MAP2K5: variants seen among roughly 807,000 people sequenced by gnomAD.
MAP2K5 encodes the protein mitogen-activated protein kinase kinase 5, also known as dual specificity mitogen-activated protein kinase kinase 5.
MAP2K5 carries 49 observed loss-of-function variants against 83.1 expected under a neutral mutation model. The ratio of observed to expected loss-of-function variants is 0.59; its 90% CI spans 0.47 to 0.75. MAP2K5 has a LOEUF of 0.75. Ranked by LOEUF, MAP2K5 falls within the 30% of genes least tolerant of loss-of-function variation. The probability of loss-of-function intolerance (pLI) is 0.00; values close to 1 mark genes in which losing one functional copy is unlikely to be tolerated. For synonymous variants in MAP2K5, 202 were observed against 191.8 expected, an observed-to-expected ratio of 1.05 and a Z score of -0.44; for missense variants, 457 against 557.5, an observed-to-expected ratio of 0.82 and a Z score of 1.82.
intron 7 of MAP2K5, among the ~76,000 whole-genome samples, chr15:67,597,464 C>T (rs2085552861): frequency 6.6e-6 from 1 of 152,126 alleles, no homozygotes; most frequent in African/African-American, 2.4e-5. Flanking sequence ...TTTTGACTAG[C>T]TATGTAACTT....
chr15:67,661,783 T>C (rs976587477), intron 12 of MAP2K5, among the ~76,000 whole-genome samples: 1 of 152,146 alleles, frequency 6.6e-6, no homozygotes, highest in Non-Finnish European at 1.5e-5. Flanking sequence ...ATAGTTTTTA[T>C]AACATGCAGC....
Position 67,746,400 on chromosome 15 carries a change from T to C in MAP2K5, c.1075-1831T>C, listed in dbSNP as rs62015175. ...TATTCATTACAAATAACTCCGTTGT[T>C]GAAGCAGATATATCTTACTAGGAAT... On this transcript the variant is annotated intron_variant, in intron 17 of 21. Coordinates refer to ENST00000178640, the MANE Select transcript of MAP2K5 (RefSeq NM_145160.3). This position sits in a 1 kb window ranked among gnomAD's most constrained non-coding sequence, Gnocchi z 4.1. Among the ~76,000 whole-genome samples the C allele has an allele frequency of 9.2e-4, 140 of 152,046 alleles. No homozygotes were observed. The highest frequency in any genetic ancestry group is 9.7e-4 in the Non-Finnish European group (66 of 67,990).
intron 7 of MAP2K5, among the ~76,000 whole-genome samples, chr15:67,595,691 T>C (rs2085509048): frequency 6.6e-6 from 1 of 152,230 alleles, no homozygotes; most frequent in Non-Finnish European, 1.5e-5. Flanking sequence ...ATTGTTTTCC[T>C]GTTATCACTT....
At chr15:67,651,275 C>T (rs776540495) in intron 11 of MAP2K5, among the ~76,000 whole-genome samples, 3 of 152,162 alleles carry the variant, frequency 2.0e-5, no homozygotes, top group African/African-American at 7.2e-5. Context: ...TTATGGAGTA[C>T]ATGCATAATA....
At chr15:67,767,851 T>C (rs1240801863) in intron 19 of MAP2K5, among the ~76,000 whole-genome samples, 5 of 152,222 alleles carry the variant, frequency 3.3e-5, no homozygotes, top group Admixed American at 3.3e-4. Flanking sequence ...GTGTAATCCT[T>C]TGAACTTGGC....
chr15:67,608,612 G>A (rs890006669), intron 8 of MAP2K5, among the ~76,000 whole-genome samples: 1 of 152,168 alleles, frequency 6.6e-6, no homozygotes, highest in Non-Finnish European at 1.5e-5. Context: ...GGAGGAACTG[G>A]CATTTGAGCT....
intron 1 of MAP2K5, among the ~76,000 whole-genome samples, chr15:67,545,379 A>G (rs2084370206): frequency 6.6e-6 from 1 of 152,218 alleles, no homozygotes; most frequent in Non-Finnish European, 1.5e-5. Flanking sequence ...GCATGCAATT[A>G]TGGTTCTGTG....
intron 8 of MAP2K5, among the ~76,000 whole-genome samples, chr15:67,604,623 G>A (rs2085738113): frequency 6.6e-6 from 1 of 152,078 alleles, no homozygotes; most frequent in South Asian, 2.1e-4. Flanking sequence ...TGGGCGGGGT[G>A]CGGTGGCTCA....
At chr15:67,607,593 C>T (rs142201712) in intron 8 of MAP2K5, among the ~76,000 whole-genome samples, 5 of 152,092 alleles carry the variant, frequency 3.3e-5, no homozygotes, top group South Asian at 4.1e-4. Context: ...AGTTTCCACC[C>T]GAATTAACTA....
At chr15:67,546,332 G>A (rs1187008715) in intron 1 of MAP2K5, 1 of 152,308 alleles carries the variant, frequency 6.6e-6, no homozygotes, top group African/African-American at 2.4e-5. Flanking sequence ...GAACCCCACA[G>A]GGGGAAAATA....
intron 9 of MAP2K5, among the ~76,000 whole-genome samples, chr15:67,635,626 C>G (rs1379895184): frequency 6.6e-6 from 1 of 152,012 alleles, no homozygotes; most frequent in African/African-American, 2.4e-5. Flanking sequence ...ATGACTTCTT[C>G]CTTTACATTT....
At chr15:67,578,756 T>C (rs2085116121) in intron 3 of MAP2K5, among the ~76,000 whole-genome samples, 1 of 152,212 alleles carries the variant, frequency 6.6e-6, no homozygotes, top group Non-Finnish European at 1.5e-5. Flanking sequence ...ACCATTTTTA[T>C]TTATTTATTC....
rs1388138363 is a variant in MAP2K5 at position 67,587,654 on chromosome 15, G to A, written c.431+741G>A. ...GAGCTGAGATTTGTCTTTCTATAGC[G>A]CCCACTCATAACGTTTTAGTTAAGC... On this transcript the variant is annotated intron_variant, in intron 6 of 21. Transcript: ENST00000178640. The surrounding 1 kb of genome is among the most constrained non-coding windows in gnomAD (Gnocchi z 4.8). Among the ~76,000 whole-genome samples the A allele has an allele frequency of 2.0e-5, 3 of 152,036 alleles. No individual in the cohort carries two copies. Among genetic ancestry groups the A allele is most frequent in the Admixed American group, 2.0e-4 (3 of 15,260 alleles).
In MAP2K5 at chr15:67,801,965, C is replaced by T. The variant is rs192007672; in HGVS notation, c.1243-4681C>T. 2.0e-5 allele frequency among the ~76,000 whole-genome samples: 3 copies of T among 152,334 alleles called. No homozygotes were observed. Among genetic ancestry groups the T allele is most frequent in the Non-Finnish European group, 2.9e-5 (2 of 68,032 alleles). On this transcript the variant is annotated intron_variant, in intron 21 of 21. Transcript: ENST00000178640. This position sits in a 1 kb window ranked among gnomAD's most constrained non-coding sequence, Gnocchi z 4.8. ...TCAAAGCCCAACTAAGGGCAGACAG[C>T]GAGGTGTCATTAAATGAGCACTGGA...
At chr15:67,679,090 G>A (rs1197707106) in intron 13 of MAP2K5, among the ~76,000 whole-genome samples, 1 of 151,976 alleles carries the variant, frequency 6.6e-6, no homozygotes, top group Non-Finnish European at 1.5e-5. Context: ...CAGCCCCCTC[G>A]GCACCCAGCC....
At chr15:67,703,238 G>A in intron 15 of MAP2K5, 99 bp from the exon 16 acceptor site, 1 of 796,804 alleles carries the variant, frequency 1.3e-6, no homozygotes, top group Non-Finnish European at 2.2e-6. Context: ...ATACTATGCA[G>A]ATGTTGGTGG....
rs940989070 is a variant in MAP2K5 at position 67,561,388 on chromosome 15, A to T, written c.185-1895A>T. The stretch of plus-strand genomic sequence containing the variant: ...ACAGCTGGAATGGCATTTCTCCCCC[A>T]ATTTGGCTCTAGAGATTCTATATCT... On this transcript the variant is annotated intron_variant, in intron 2 of 21. Transcript: ENST00000178640. This position sits in a 1 kb window ranked among gnomAD's most constrained non-coding sequence, Gnocchi z 4.2. Among the ~76,000 whole-genome samples, 2 of 152,154 alleles carry T rather than the reference A, an allele frequency of 1.3e-5. No homozygotes were observed. The highest frequency in any genetic ancestry group is 1.3e-4 in the Admixed American group (2 of 15,270).
At position 67,780,621 on chromosome 15, in the gene MAP2K5, A is replaced by G. The variant is rs1021879125; in HGVS notation, c.1242+7869A>G. ...CTGGACATTACAATATACAGTATAAATTAGGGTGGCCACGCTAGAATACAT... is the reference window on the plus strand; with the variant it reads ...CTGGACATTACAATATACAGTATAAGTTAGGGTGGCCACGCTAGAATACAT... On this transcript the variant is annotated intron_variant, in intron 21 of 21. Transcript: ENST00000178640. The surrounding 1 kb of genome is among the most constrained non-coding windows in gnomAD (Gnocchi z 5.0). Among the ~76,000 whole-genome samples, 3 of 152,232 alleles carry G rather than the reference A, an allele frequency of 2.0e-5. No homozygotes were observed. Among genetic ancestry groups the G allele is most frequent in the Non-Finnish European group, 2.9e-5 (2 of 68,032 alleles).
At chr15:67,753,838 C>G (rs1280488062) in intron 19 of MAP2K5, among the ~76,000 whole-genome samples, 1 of 152,206 alleles carries the variant, frequency 6.6e-6, no homozygotes, top group Non-Finnish European at 1.5e-5. Flanking sequence ...AATGACCCAG[C>G]AGTTCCACCT....
Sources: gnomAD v4.1 joint callset for allele counts (sites outside exome capture counted in the v4.1 genomes callset) on GRCh38, gnomAD v4.1.1 for gene constraint, Gnocchi (gnomAD v3.1) non-coding constraint, MANE v1.5 for transcripts, NCBI Gene and HGNC (gene_info 2026-07-23, HGNC 2026-07-21) for gene names.